Variants in PRR19 observed in about 807,000 individuals in gnomAD.
PRR19 encodes the protein proline rich 19, also known as proline-rich protein 19.
A neutral mutation model predicts 19.2 loss-of-function variants in PRR19; 9 were observed. The observed-to-expected ratio is 0.47, with a 90% CI of 0.28 to 0.82. The LOEUF (loss-of-function observed/expected upper bound fraction) is 0.82. Among genes scored for constraint, PRR19 ranks in the 40% least tolerant of loss-of-function variants. PRR19 has a pLI of 0.11. For synonymous variants in PRR19, 190 were observed against 191.0 expected (o/e 0.99, Z 0.04); for missense variants, 457 against 466.0 (o/e 0.98, Z 0.18).
At position 42,303,787 on chromosome 19, in the gene PRR19, G is replaced by T. The variant is rs1157436956; in HGVS notation, c.-7+1284G>T. 2.8e-4 allele frequency among the ~76,000 whole-genome samples: 42 copies of T among 152,142 alleles called. 1 individual carries two copies. The highest frequency in any genetic ancestry group is 2.7e-3 in the Admixed American group (42 of 15,274). On this transcript the variant is annotated intron_variant, in intron 1 of 2. Coordinates refer to ENST00000341747, the MANE Select transcript of PRR19 (RefSeq NM_199285.3). Reference sequence around the variant, plus strand: ...ACAGATCCAGACACAGAGGTGTAGGGGTGTCAAAGTTGTGTTTGAGGGAGA... The same window carrying T: ...ACAGATCCAGACACAGAGGTGTAGGTGTGTCAAAGTTGTGTTTGAGGGAGA...
intron 1 of PRR19, among the ~76,000 whole-genome samples, chr19:42,304,648 G>C (rs2038688611): frequency 6.6e-6 from 1 of 151,632 alleles, no homozygotes; most frequent in African/African-American, 2.4e-5. Context: ...TACTTGGGAG[G>C]CTGAGGCAGG....
rs1477419973 is a variant in PRR19 at position 42,310,752 on chromosome 19, G to A, written c.*12G>A. ...TGAGACTGTACTGAGGAGAGGCTGA[G>A]GCTAGGGCTGGGGACAGATATCTTG... On this transcript the variant is annotated 3_prime_UTR_variant, in exon 3 of 3. Coordinates refer to ENST00000341747, the MANE Select transcript of PRR19 (RefSeq NM_199285.3). 6.7e-7 allele frequency: 1 copy of A among 1,495,136 alleles called. No individual in the cohort carries two copies. 92.6% of individuals were successfully genotyped at this position (1,495,136 alleles called of 1,614,324 possible).
chr19:42,302,505 TAG>T lies in PRR19; in HGVS notation c.-7+3_-7+4del. ...GGGACGGAAGCCTTCACTTAGGAGG[TAG>T]GTGGAATCAGGAACCTTCGCTTCCC... is the stretch of plus-strand genomic sequence containing the variant. On this transcript the variant is annotated splice_donor_region_variant and intron_variant, in intron 1 of 2. Transcript: ENST00000341747. 2 of 559,804 alleles carry T rather than the reference TAG, an allele frequency of 3.6e-6. No individual in the cohort carries two copies. The highest frequency in any genetic ancestry group is 3.5e-5 in the Admixed American group (1 of 28,458). 34.7% of individuals were successfully genotyped at this position (559,804 alleles called of 1,614,324 possible).
Position 42,302,331 on chromosome 19 carries a change from G to A in PRR19, c.-179G>A, listed in dbSNP as rs775072547. The A allele has an allele frequency of 1.3e-6, 2 of 1,582,278 alleles. No individual in the cohort carries two copies. Among genetic ancestry groups the A allele is most frequent in the Admixed American group, 1.8e-5 (1 of 56,546 alleles). ...TCATCTTGGCGCCGCAGCTCCTGCA[G>A]GATGAGCGAGTCGGGTCGGCCCGGG... On this transcript the variant is annotated 5_prime_UTR_variant, in exon 1 of 3. Coordinates refer to ENST00000341747, the MANE Select transcript of PRR19 (RefSeq NM_199285.3).
At chr19:42,309,509 C>A in intron 1 of PRR19, 70 bp from the exon 2 acceptor site, 3 of 1,239,368 alleles carry the variant, frequency 2.4e-6, no homozygotes, top group Non-Finnish European at 3.4e-6. Context: ...GCGCCCAGCC[C>A]TCCCTATTCA....
chr19:42,303,060 CGTGGGTGTGT>C (rs1245197209), intron 1 of PRR19, among the ~76,000 whole-genome samples: 1 of 100,414 alleles, frequency 1.0e-5, no homozygotes, highest in African/African-American at 3.5e-5. Context: ...CTCAAAACAC[CGTGGGTGTGT>C]GTGTGTGTGT....
In PRR19 at chr19:42,310,041, T is replaced by G; in HGVS notation, c.457T>G (p.Cys153Gly). Residue 153 changes from cysteine to glycine, a missense_variant, in exon 2 of 3, where the codon TGT becomes GGT. By Grantham distance (159) the Cys-to-Gly change is radical. Coordinates refer to ENST00000341747, the MANE Select transcript of PRR19 (RefSeq NM_199285.3). Reference sequence around the variant, plus strand: ...GGGGCAGCTGCTGGCAGAGCTGCAGTGTCAGCTGAGTTTGCCACAGGCCTT... The same window carrying G: ...GGGGCAGCTGCTGGCAGAGCTGCAGGGTCAGCTGAGTTTGCCACAGGCCTT... ...GVGQLLAELQ[C>G]QLSLPQAFPR... 1.9e-6 allele frequency: 3 copies of G among 1,614,032 alleles called. No homozygotes were observed. Among genetic ancestry groups the G allele is most frequent in the Non-Finnish European group, 2.5e-6 (3 of 1,180,026 alleles).
At position 42,310,192 on chromosome 19, in the gene PRR19, G is replaced by A. The variant is rs781065404; in HGVS notation, c.601+7G>A. 19 of 1,613,792 alleles carry A rather than the reference G, an allele frequency of 1.2e-5. No individual in the cohort carries two copies. Among genetic ancestry groups the A allele is most frequent in the East Asian group, 2.2e-5 (1 of 44,884 alleles). On this transcript the variant is annotated splice_region_variant and intron_variant, in intron 2 of 2. Coordinates refer to ENST00000341747, the MANE Select transcript of PRR19 (RefSeq NM_199285.3). ...TGCCAGCCACCCTTGCCAGGTGAGC[G>A]TCCCTCCTGCCCCTGTACTCCCCTT...
intron 1 of PRR19, 178 bp downstream of exon 1, chr19:42,302,681 C>A: frequency 3.7e-6 from 1 of 268,546 alleles, no homozygotes; most frequent in South Asian, 4.9e-5. Flanking sequence ...CCACCGGTCA[C>A]GGGGAGGGGC....
rs2038759041 is a variant in PRR19, at chr19:42,309,625, C to T, written c.41C>T (p.Pro14Leu). 1 of 1,542,104 alleles carries T rather than the reference C, an allele frequency of 6.5e-7. No homozygotes were observed. The highest frequency in any genetic ancestry group is 8.8e-7 in the Non-Finnish European group (1 of 1,141,056). Residue 14 changes from proline to leucine, a missense_variant, in exon 2 of 3, where the codon CCT becomes CTT. Physicochemically the swap from Pro to Leu is moderately conservative, Grantham distance 98. Coordinates refer to ENST00000341747, the MANE Select transcript of PRR19 (RefSeq NM_199285.3). ...CCAGTCTCCCAGCCTTTTCAGCAGCCTGAGAAACCTGGTCGTGTCCGTCGT... is the reference window on the plus strand; with the variant it reads ...CCAGTCTCCCAGCCTTTTCAGCAGCTTGAGAAACCTGGTCGTGTCCGTCGT... ...QGPVSQPFQQ[P>L]EKPGRVRRRK...
intron 1 of PRR19, among the ~76,000 whole-genome samples, chr19:42,305,834 T>C (rs546380743): frequency 2.0e-5 from 3 of 152,220 alleles, no homozygotes; most frequent in Non-Finnish European, 4.4e-5. Context: ...TTGTGCCATT[T>C]TGGGCATTTA....
intron 1 of PRR19, among the ~76,000 whole-genome samples, chr19:42,305,795 AC>A: frequency 6.6e-6 from 1 of 152,244 alleles, no homozygotes; most frequent in Non-Finnish European, 1.5e-5. Context: ...CTGACCAGTT[AC>A]AAACATTTCC....
chr19:42,302,489 G>A lies in PRR19; in HGVS notation c.-21G>A, dbSNP rs538858575. On this transcript the variant is annotated 5_prime_UTR_variant, in exon 1 of 3. Transcript: ENST00000341747. ...CGCCGCCTCCTCTCCAGGGACGGAA[G>A]CCTTCACTTAGGAGGTAGGTGGAAT... 22 of 587,630 alleles carry A rather than the reference G, an allele frequency of 3.7e-5. No individual in the cohort carries two copies. Among genetic ancestry groups the A allele is most frequent in the African/African-American group, 3.7e-4 (20 of 53,542 alleles). The allele number at this position is 587,630 out of a possible 1,614,324, so 36.4% of individuals were successfully genotyped here. A position where few individuals can be genotyped will look rare whatever the true frequency, so the allele number is the denominator to read the frequency against.
intron 1 of PRR19, among the ~76,000 whole-genome samples, chr19:42,308,350 C>T (rs938241600): frequency 2.6e-5 from 4 of 151,712 alleles, no homozygotes; most frequent in Admixed American, 2.0e-4. Flanking sequence ...CCTCAGCTTC[C>T]CTAGCAGCTG....
chr19:42,309,532 C>T (rs1248643657), intron 1 of PRR19, 47 bp from the exon 2 acceptor site: 3 of 1,429,438 alleles, frequency 2.1e-6, no homozygotes, highest in Non-Finnish European at 2.8e-6. Flanking sequence ...TTGCTACTCC[C>T]CTTGACTTAT....
intron 1 of PRR19, 75 bp downstream of exon 1, chr19:42,302,578 C>G (rs960765523): frequency 2.3e-5 from 10 of 440,014 alleles, no homozygotes; most frequent in Non-Finnish European, 2.9e-5. Flanking sequence ...CCCGCTCGGG[C>G]CGCTGACTCC....
rs756045284 is a variant in PRR19 at position 42,310,296 on chromosome 19, A to G, written c.627A>G (p.Arg209=). ...GGGCCAAGCCTGGGGTCTCTGAGAG[A>G]AAGATGACACCCTTCTGGATTAATA... is the stretch of plus-strand genomic sequence containing the variant. ...LPGAKPGVSE[R]KMTPFWINSP... The change falls in exon 3 of 3, where the codon AGA becomes AGG. Residue 209 remains arginine, a synonymous_variant. Transcript: ENST00000341747. 1.9e-6 allele frequency: 3 copies of G among 1,614,062 alleles called. No homozygotes were observed. Among genetic ancestry groups the G allele is most frequent in the Non-Finnish European group, 8.5e-7 (1 of 1,180,004 alleles).
Position 42,309,936 on chromosome 19 carries a change from C to T in PRR19, c.352C>T (p.Pro118Ser), listed in dbSNP as rs1297535293. ...PSPGRAQEPA[P>S]RSRDKENQVP... ...CCCAGGCAGGGCCCAGGAACCAGCCCCACGGTCCAGGGACAAAGAGAACCA... is the reference window on the plus strand; with the variant it reads ...CCCAGGCAGGGCCCAGGAACCAGCCTCACGGTCCAGGGACAAAGAGAACCA... Residue 118 changes from proline (P) to serine (S), a missense_variant, in exon 2 of 3, where the codon CCA (proline) becomes TCA (serine). Transcript: ENST00000341747. 6.2e-7 allele frequency: 1 copy of T among 1,613,826 alleles called. No individual in the cohort carries two copies. The highest frequency in any genetic ancestry group is 8.5e-7 in the Non-Finnish European group (1 of 1,179,868).
chr19:42,310,252 C>T lies in PRR19; in HGVS notation c.602-19C>T, dbSNP rs1326150500. ...GGCTCTAGCTCAGCTAGCCTCTATG[C>T]TTCTTTCCTCTGTGCCAGGGGCCAA... On this transcript the variant is annotated intron_variant, in intron 2 of 2. Transcript: ENST00000341747. 6.2e-7 allele frequency: 1 copy of T among 1,613,960 alleles called. No homozygotes were observed. The highest frequency in any genetic ancestry group is 1.1e-5 in the South Asian group (1 of 91,088).
Sources: gnomAD v4.1 joint callset for allele counts (sites outside exome capture counted in the v4.1 genomes callset) on GRCh38, gnomAD v4.1.1 for gene constraint, MANE v1.5 for transcripts, NCBI Gene and HGNC (gene_info 2026-07-23, HGNC 2026-07-21) for gene names.